The following LRRC37A2 variants were observed in gnomAD, a reference collection of about 807,000 sequenced individuals.
LRRC37A2 encodes leucine-rich repeat-containing protein 37A2.
Under a neutral mutation model 68.8 loss-of-function variants are expected in LRRC37A2, and 9 were observed. The ratio of observed to expected loss-of-function variants is 0.13; its 90% CI spans 0.08 to 0.23. LRRC37A2 has a LOEUF of 0.23. Among genes scored for constraint, LRRC37A2 ranks in the 10% least tolerant of loss-of-function variants. The probability of loss-of-function intolerance (pLI) is 1.00; values close to 1 mark genes in which losing one functional copy is unlikely to be tolerated. For missense variants in LRRC37A2, 168 were observed against 950.4 expected (o/e 0.18, Z 10.82); for synonymous variants, 63 against 367.6 (o/e 0.17, Z 9.48).
chr17:46,952,976 A>G, the LRRC37A2 span: 1 of 152,040 alleles, frequency 6.6e-6, no homozygotes, highest in African/African-American at 2.4e-5. Context: ...CTGGCACACA[A>G]TATTCATTCA....
the LRRC37A2 span, among the ~76,000 whole-genome samples, chr17:46,765,843 T>A: frequency 6.6e-6 from 1 of 152,114 alleles, no homozygotes; most frequent in Non-Finnish European, 1.5e-5. Context: ...AGAACACAGT[T>A]CTCATCCCCA....
chr17:47,031,002 A>G, the LRRC37A2 span, among the ~76,000 whole-genome samples: 1 of 151,784 alleles, frequency 6.6e-6, no homozygotes, highest in Admixed American at 6.6e-5. Context: ...AAATTTTTGT[A>G]GTCATAATTT....
the LRRC37A2 span, chr17:46,872,586 G>A: frequency 1.2e-6 from 2 of 1,610,128 alleles, no homozygotes; most frequent in South Asian, 1.1e-5. Context: ...CACAGGGCGG[G>A]GCCCACCTGA....
At chr17:46,839,155 G>A in the LRRC37A2 span, among the ~76,000 whole-genome samples, 5 of 152,248 alleles carry the variant, frequency 3.3e-5, no homozygotes, top group Non-Finnish European at 7.3e-5. Flanking sequence ...TGGGATTACA[G>A]GCGTGAGCCA....
the LRRC37A2 span, among the ~76,000 whole-genome samples, chr17:46,983,419 C>T: frequency 3.3e-5 from 5 of 151,400 alleles, no homozygotes; most frequent in African/African-American, 4.9e-5. Context: ...CTCAGCCTCC[C>T]GAGTAGCTGG....
chr17:46,808,303 G>A, the LRRC37A2 span, among the ~76,000 whole-genome samples: 1 of 152,166 alleles, frequency 6.6e-6, no homozygotes, highest in Non-Finnish European at 1.5e-5. Context: ...CCAGTGAAGA[G>A]GACACATCCC....
the LRRC37A2 span, chr17:46,693,081 T>C: frequency 3.2e-3 from 5,173 of 1,604,544 alleles, 14 homozygotes; most frequent in Non-Finnish European, 4.2e-3. Context: ...ATGTTTACTT[T>C]TTAAAAAAGT....
At chr17:46,741,250 T>C in the LRRC37A2 span, among the ~76,000 whole-genome samples, 2 of 152,050 alleles carry the variant, frequency 1.3e-5, no homozygotes, top group East Asian at 3.9e-4. Flanking sequence ...TGAGGTAATC[T>C]TTAAGAGCTG....
chr17:46,886,973 T>A, the LRRC37A2 span, among the ~76,000 whole-genome samples: 1 of 152,134 alleles, frequency 6.6e-6, no homozygotes, highest in African/African-American at 2.4e-5. Flanking sequence ...TGCACCACTA[T>A]ACCTGGCTAA....
At chr17:46,957,304 C>T in the LRRC37A2 span, among the ~76,000 whole-genome samples, 1 of 151,868 alleles carries the variant, frequency 6.6e-6, no homozygotes, top group South Asian at 2.1e-4. Context: ...GACCCTGCCT[C>T]AAAAAGAAAA....
chr17:46,942,356 T>C, the LRRC37A2 span, among the ~76,000 whole-genome samples: 2 of 152,182 alleles, frequency 1.3e-5, no homozygotes, highest in African/African-American at 4.8e-5. Flanking sequence ...TCTGAAACCC[T>C]CTCACTTATG....
chr17:46,810,116 C>T, the LRRC37A2 span, among the ~76,000 whole-genome samples: 1 of 150,916 alleles, frequency 6.6e-6, no homozygotes, highest in East Asian at 2.0e-4. Flanking sequence ...AAGCGATTCT[C>T]CTGCCTCAGC....
the LRRC37A2 span, among the ~76,000 whole-genome samples, chr17:46,795,904 GCA>G: frequency 6.6e-6 from 1 of 151,928 alleles, no homozygotes; most frequent in Non-Finnish European, 1.5e-5. Context: ...ATGCATGCAC[GCA>G]CACACACGTG....
the LRRC37A2 span, among the ~76,000 whole-genome samples, chr17:46,785,908 C>T: frequency 6.6e-6 from 1 of 152,218 alleles, no homozygotes; most frequent in Non-Finnish European, 1.5e-5. Flanking sequence ...AGCTTCTGTT[C>T]TCCAAAGCAG....
the LRRC37A2 span, among the ~76,000 whole-genome samples, chr17:47,022,284 C>T: frequency 1.4e-5 from 2 of 140,176 alleles, no homozygotes; most frequent in South Asian, 5.2e-4. Flanking sequence ...GATCCTCTCA[C>T]CTCAGCCTCC....
the LRRC37A2 span, among the ~76,000 whole-genome samples, chr17:46,881,653 C>A: frequency 6.6e-6 from 1 of 152,210 alleles, no homozygotes; most frequent in Admixed American, 6.5e-5. Context: ...CCCGCAGACC[C>A]CTCCACCTCC....
At chr17:46,941,376 A>T in the LRRC37A2 span, 1 of 982,956 alleles carries the variant, frequency 1.0e-6, no homozygotes, top group African/African-American at 1.7e-5. Flanking sequence ...CACATTTTGT[A>T]AAAGAATTCG....
At chr17:46,829,797 G>A in the LRRC37A2 span, among the ~76,000 whole-genome samples, 5 of 151,924 alleles carry the variant, frequency 3.3e-5, no homozygotes, top group Non-Finnish European at 5.9e-5. Context: ...ATGCTGTGGT[G>A]GGGTGGGGGG....
the LRRC37A2 span, among the ~76,000 whole-genome samples, chr17:46,760,709 C>A: frequency 6.6e-6 from 1 of 151,786 alleles, no homozygotes; most frequent in Admixed American, 6.6e-5. Context: ...TCGAGCATCC[C>A]TAATCTAAAA....
Sources: allele counts gnomAD v4.1 joint callset (sites outside exome capture counted in the v4.1 genomes callset), GRCh38; gene constraint gnomAD v4.1.1; transcripts MANE v1.5; gene names NCBI Gene and HGNC (gene_info 2026-07-23, HGNC 2026-07-21).